The following RHOJ variants were observed in gnomAD, a reference collection of about 807,000 sequenced individuals.
RHOJ encodes the protein ras homolog family member J, also known as rho-related GTP-binding protein RhoJ.
RHOJ carries 11 observed loss-of-function variants against 23.4 expected under a neutral mutation model. The observed-to-expected ratio is 0.47, with a 90% CI of 0.30 to 0.78. The LOEUF is 0.78. Among genes scored for constraint, RHOJ ranks in the 30% least tolerant of loss-of-function variants. The pLI, the probability that RHOJ is intolerant of heterozygous loss-of-function variation, is 0.08. For synonymous variants in RHOJ, 102 were observed against 102.7 expected, an observed-to-expected ratio of 0.99 and a Z score of 0.04; for missense variants, 254 against 273.4, an observed-to-expected ratio of 0.93 and a Z score of 0.50.
chr14:63,258,228 C>CAAA (rs1300550864), intron 1 of RHOJ, among the ~76,000 whole-genome samples: 4 of 69,004 alleles, frequency 5.8e-5, no homozygotes, highest in African/African-American at 1.5e-4. Flanking sequence ...AACTCTGTCC[C>CAAA]AAAAAAAAAA....
At chr14:63,205,960 T>C (rs1437499804) in intron 1 of RHOJ, among the ~76,000 whole-genome samples, 1 of 152,234 alleles carries the variant, frequency 6.6e-6, no homozygotes, top group Non-Finnish European at 1.5e-5. Flanking sequence ...ATTTTATAAC[T>C]TTTTTATCAT....
In RHOJ at chr14:63,284,399, T is replaced by C. The variant is rs575250043; in HGVS notation, c.498+1183T>C. 89 of 964,078 alleles carry C rather than the reference T, an allele frequency of 9.2e-5. 1 individual carries two copies. In the South Asian group the frequency reaches 3.9e-3, roughly 42 times the overall value. The allele number at this position is 964,078 out of a possible 1,614,324, so 59.7% of individuals were successfully genotyped here. A position where few individuals can be genotyped will look rare whatever the true frequency, so the allele number is the denominator to read the frequency against. On this transcript the variant is annotated intron_variant, in intron 4 of 4. Transcript: ENST00000316754. The stretch of plus-strand genomic sequence containing the variant: ...AGTCCTTAGGATCCTAAGTACTTAA[T>C]AATATCTCTCACTTCAGCCTCATAA...
At chr14:63,256,540 G>A (rs11845716) in intron 1 of RHOJ, among the ~76,000 whole-genome samples, 10,125 of 152,164 alleles carry the variant, frequency 0.067, 1,145 homozygotes, top group African/African-American at 0.23. Context: ...ATACTCACAC[G>A]TGGCTCTTCT....
At chr14:63,215,626 G>T (rs1006461625) in intron 1 of RHOJ, among the ~76,000 whole-genome samples, 1 of 145,208 alleles carries the variant, frequency 6.9e-6, no homozygotes, top group African/African-American at 2.9e-5. Flanking sequence ...GCTCAGAGAA[G>T]TGACATGTCC....
Position 63,291,247 on chromosome 14 carries a change from T to C in RHOJ, c.*223T>C. On this transcript the variant is annotated 3_prime_UTR_variant, in exon 5 of 5. Transcript: ENST00000316754. ...ATCCGTACTGCACGCTGTCTGAGAA[T>C]GCTGGGCCTGGATTGCAGACAGTGC... is the stretch of plus-strand genomic sequence containing the variant. The C allele has an allele frequency of 1.8e-6, 1 of 569,924 alleles. No individual in the cohort carries two copies. Among genetic ancestry groups the C allele is most frequent in the Admixed American group, 2.8e-5 (1 of 35,196 alleles). 35.3% of individuals were successfully genotyped at this position (569,924 alleles called of 1,614,324 possible).
chr14:63,220,963 T>C (rs1459592268), intron 1 of RHOJ, among the ~76,000 whole-genome samples: 1 of 152,146 alleles, frequency 6.6e-6, no homozygotes, highest in Admixed American at 6.5e-5. Context: ...GTTTGGTCTC[T>C]TGAGGCAGTA....
Position 63,252,367 on chromosome 14 carries a change from A to T in RHOJ, c.179-16743A>T, listed in dbSNP as rs114108540. Among the ~76,000 whole-genome samples, 705 of 152,296 alleles carry T rather than the reference A, an allele frequency of 4.6e-3. 2 individuals carry two copies. The highest frequency in any genetic ancestry group is 0.016 in the African/African-American group (675 of 41,556). On this transcript the variant is annotated intron_variant, in intron 1 of 4. Transcript: ENST00000316754. ...GTCAAATAATTAGAGGTCTGTGGAT[A>T]AGCCAAGGTATATATTTATGATGTG...
At chr14:63,211,732 A>G (rs1894242577) in intron 1 of RHOJ, among the ~76,000 whole-genome samples, 1 of 152,140 alleles carries the variant, frequency 6.6e-6, no homozygotes, top group Non-Finnish European at 1.5e-5. Context: ...GTATTTTTGT[A>G]CCTTGTACCA....
intron 2 of RHOJ, among the ~76,000 whole-genome samples, chr14:63,273,001 C>T (rs1482464939): frequency 1.3e-5 from 2 of 152,146 alleles, no homozygotes; most frequent in Admixed American, 1.3e-4. Context: ...CCAGCCTAGG[C>T]AACAAGAGCA....
rs543277102 is a variant in RHOJ, at chr14:63,286,129, G to A, written c.498+2913G>A. On this transcript the variant is annotated intron_variant, in intron 4 of 4. Coordinates refer to ENST00000316754, the MANE Select transcript of RHOJ (RefSeq NM_020663.5). ...TGTTCAGTCACGTTAATCAACTGGA[G>A]TCTTTAATGCCCTCTTCCTGACTGG... is the stretch of plus-strand genomic sequence containing the variant. Among the ~76,000 whole-genome samples the A allele has an allele frequency of 7.9e-5, 12 of 152,304 alleles. No homozygotes were observed. In the South Asian group the frequency reaches 2.1e-3, roughly 26 times the overall value.
chr14:63,235,855 A>G (rs1156961979), intron 1 of RHOJ, among the ~76,000 whole-genome samples: 1 of 152,228 alleles, frequency 6.6e-6, no homozygotes, highest in Non-Finnish European at 1.5e-5. Flanking sequence ...GAACTTATCA[A>G]AAGACTTGAG....
At chr14:63,267,799 C>T (rs1236415340) in intron 1 of RHOJ, among the ~76,000 whole-genome samples, 1 of 152,204 alleles carries the variant, frequency 6.6e-6, no homozygotes, top group Non-Finnish European at 1.5e-5. Flanking sequence ...TTAAAATACA[C>T]ATTTAACAGC....
At chr14:63,226,054 T>C (rs1417173113) in intron 1 of RHOJ, among the ~76,000 whole-genome samples, 2 of 152,108 alleles carry the variant, frequency 1.3e-5, no homozygotes, top group Non-Finnish European at 2.9e-5. Flanking sequence ...CCATTCACAA[T>C]AGCTTATACA....
chr14:63,275,979 G>T (rs528177150), intron 2 of RHOJ, among the ~76,000 whole-genome samples: 4 of 152,280 alleles, frequency 2.6e-5, no homozygotes, highest in South Asian at 2.1e-4. Context: ...GTAGCCCAGG[G>T]TTAGCTCCCA....
rs1318553300 is a variant in RHOJ at position 63,269,138 on chromosome 14, C to G, written c.207C>G (p.His69Gln). Residue 69 changes from histidine (H) to glutamine (Q), a missense_variant, in exon 2 of 5, where the codon CAC becomes CAG. Transcript: ENST00000316754. ...AVTVTVGGKQ[H>Q]LLGLYDTAGQ... The stretch of plus-strand genomic sequence containing the variant: ...CTGTGACTGTGGGAGGCAAGCAACA[C>G]TTGCTCGGACTGTATGACACCGCGG... 6.2e-7 allele frequency: 1 copy of G among 1,613,424 alleles called. No individual in the cohort carries two copies. Among genetic ancestry groups the G allele is most frequent in the East Asian group, 2.2e-5 (1 of 44,886 alleles).
intron 3 of RHOJ, 29 bp from the exon 4 acceptor site, chr14:63,283,092 A>T: frequency 6.4e-7 from 1 of 1,560,474 alleles, no homozygotes; most frequent in Non-Finnish European, 8.8e-7. Context: ...GAGAAAACAA[A>T]TAAGTTTTCA....
chr14:63,218,284 G>A (rs775978407), intron 1 of RHOJ, among the ~76,000 whole-genome samples: 21 of 152,258 alleles, frequency 1.4e-4, no homozygotes, highest in Non-Finnish European at 4.4e-5. Context: ...GTCTCTAAAT[G>A]GGTCTGGTTT....
At chr14:63,250,029 C>T (rs942379944) in intron 1 of RHOJ, among the ~76,000 whole-genome samples, 2 of 152,194 alleles carry the variant, frequency 1.3e-5, no homozygotes, top group Admixed American at 1.3e-4. Flanking sequence ...ATGTTCTCCA[C>T]ATGGACAGCA....
intron 1 of RHOJ, among the ~76,000 whole-genome samples, chr14:63,249,733 T>C (rs761310437): frequency 6.6e-6 from 1 of 152,202 alleles, no homozygotes; most frequent in South Asian, 2.1e-4. Context: ...ATGCTCTAAG[T>C]CAGTGGTTCT....
Sources: allele counts gnomAD v4.1 joint callset (sites outside exome capture counted in the v4.1 genomes callset), GRCh38; gene constraint gnomAD v4.1.1; transcripts MANE v1.5; gene names NCBI Gene and HGNC (gene_info 2026-07-23, HGNC 2026-07-21).